The following SNX29 variants were observed in gnomAD, a reference collection of about 807,000 sequenced individuals.
SNX29 encodes the protein sorting nexin-29.
A neutral mutation model predicts 102.1 loss-of-function variants in SNX29; 78 were observed. The ratio of observed to expected loss-of-function variants is 0.76; its 90% confidence interval spans 0.64 to 0.92. SNX29 has a LOEUF of 0.92. Ranked by LOEUF, SNX29 falls within the 40% of genes least tolerant of loss-of-function variation. The pLI is 0.00. For missense variants in SNX29, 1,280 were observed against 1,061.7 expected (o/e 1.21, Z -2.86); for synonymous variants, 580 against 414.5 (o/e 1.40, Z -4.85).
chr16:12,532,619 T>G (rs757457095), intron 20 of SNX29, among the ~76,000 whole-genome samples: 1 of 152,206 alleles, frequency 6.6e-6, no homozygotes, highest in Non-Finnish European at 1.5e-5. Context: ...GGAAACACTC[T>G]TTGGGATGCG....
intron 13 of SNX29, among the ~76,000 whole-genome samples, chr16:12,174,502 G>T (rs913653294): frequency 1.3e-5 from 2 of 152,216 alleles, no homozygotes; most frequent in African/African-American, 4.8e-5. Flanking sequence ...CAGATGGGAG[G>T]TAGGGAGATT....
In SNX29 at chr16:12,021,903, A is replaced by AAGAT. The variant is rs1457411321; in HGVS notation, c.123-5414_123-5411dup. On this transcript the variant is annotated intron_variant, in intron 3 of 20. Transcript: ENST00000566228. ...GAGGCTCCATCTCAAAAAAAAAAAA[A>AAGAT]AGATAGGACAAAGCTCATGAAAACA... is the stretch of plus-strand genomic sequence containing the variant. Among the ~76,000 whole-genome samples the AAGAT allele has an allele frequency of 3.3e-5, 5 of 152,038 alleles. No individual in the cohort carries two copies. In the East Asian group the frequency reaches 9.7e-4, roughly 29 times the overall value.
At chr16:12,148,391 C>G (rs933327617) in intron 13 of SNX29, among the ~76,000 whole-genome samples, 5 of 152,210 alleles carry the variant, frequency 3.3e-5, no homozygotes, top group Admixed American at 1.3e-4. Flanking sequence ...TGAACTAAAT[C>G]CACAGATGGT....
chr16:12,499,901 T>C (rs2089026138), intron 19 of SNX29, among the ~76,000 whole-genome samples: 1 of 152,164 alleles, frequency 6.6e-6, no homozygotes, highest in Admixed American at 6.5e-5. Context: ...GGTCTCAAAC[T>C]CCTGGGCTCA....
intron 20 of SNX29, among the ~76,000 whole-genome samples, chr16:12,531,119 C>G (rs914597908): frequency 6.6e-6 from 1 of 152,234 alleles, no homozygotes; most frequent in African/African-American, 2.4e-5. Flanking sequence ...AAAGCCCACC[C>G]TCTCATACCA....
intron 18 of SNX29, among the ~76,000 whole-genome samples, chr16:12,457,434 T>C (rs1558810): frequency 0.44 from 67,016 of 151,978 alleles, 15,933 homozygotes; most frequent in African/African-American, 0.63. Flanking sequence ...GAGGCATCTG[T>C]CTGTGTTTTG....
intron 14 of SNX29, among the ~76,000 whole-genome samples, chr16:12,221,407 G>C (rs967616022): frequency 3.9e-5 from 6 of 152,306 alleles, no homozygotes; most frequent in East Asian, 1.9e-4. Context: ...CTGAGGTCAG[G>C]AGTTTGAGAT....
At chr16:12,241,919 C>G (rs961725043) in intron 14 of SNX29, among the ~76,000 whole-genome samples, 1 of 152,106 alleles carries the variant, frequency 6.6e-6, no homozygotes, top group African/African-American at 2.4e-5. Flanking sequence ...AAGGGGGCTC[C>G]TGCCTCTGTG....
At chr16:12,307,393 C>T in intron 15 of SNX29, among the ~76,000 whole-genome samples, 1 of 152,116 alleles carries the variant, frequency 6.6e-6, no homozygotes, top group East Asian at 1.9e-4. Flanking sequence ...AAATGCAATT[C>T]CTGTCATTAA....
At chr16:12,209,901 G>A (rs1043058021) in intron 14 of SNX29, among the ~76,000 whole-genome samples, 4 of 152,190 alleles carry the variant, frequency 2.6e-5, no homozygotes, top group East Asian at 3.8e-4. Flanking sequence ...CTGACTCTGC[G>A]TGGGGCTGAG....
chr16:12,407,127 G>A (rs1383557478), intron 18 of SNX29, among the ~76,000 whole-genome samples: 1 of 152,096 alleles, frequency 6.6e-6, no homozygotes, highest in Non-Finnish European at 1.5e-5. Context: ...GATTTAGAAG[G>A]ACCACACTGG....
At chr16:12,539,314 C>G (rs1029688998) in intron 20 of SNX29, among the ~76,000 whole-genome samples, 5 of 152,030 alleles carry the variant, frequency 3.3e-5, no homozygotes, top group African/African-American at 7.2e-5. Flanking sequence ...CCCTCCCCCT[C>G]TAGTTTTGTC....
At chr16:12,385,692 C>G (rs968145430) in intron 16 of SNX29, among the ~76,000 whole-genome samples, 24 of 152,228 alleles carry the variant, frequency 1.6e-4, no homozygotes, top group Admixed American at 1.5e-3. Context: ...CGTGTGTGCT[C>G]TAGGCCACTT....
intron 19 of SNX29, among the ~76,000 whole-genome samples, chr16:12,522,873 T>C (rs181724929): frequency 6.6e-6 from 1 of 152,254 alleles, no homozygotes; most frequent in East Asian, 1.9e-4. Flanking sequence ...TGCGGTGGTG[T>C]GATCATAGTG....
chr16:12,217,550 C>T (rs930308038), intron 14 of SNX29, among the ~76,000 whole-genome samples: 1 of 152,174 alleles, frequency 6.6e-6, no homozygotes, highest in Non-Finnish European at 1.5e-5. Flanking sequence ...AGTATGTCTG[C>T]CACCCGTAGG....
chr16:12,566,470 CTGTGCTGAATGAT>C lies in SNX29; in HGVS notation c.2319-2035_2319-2023del, dbSNP rs1390665834. ...CATTGCAGGGCAGGGCTCATCCTGG[CTGTGCTGAATGAT>C]GATGGTGGTTGCAGGCTAAGTGGCT... On this transcript the variant is annotated intron_variant, in intron 20 of 20. Transcript: ENST00000566228. Among the ~76,000 whole-genome samples, 28 of 152,310 alleles carry C rather than the reference CTGTGCTGAATGAT, an allele frequency of 1.8e-4. No homozygotes were observed. In the East Asian group the frequency reaches 3.1e-3, roughly 17 times the overall value.
At chr16:12,080,523 GTTTAC>G (rs1291434246) in intron 11 of SNX29, among the ~76,000 whole-genome samples, 1 of 152,018 alleles carries the variant, frequency 6.6e-6, no homozygotes. Flanking sequence ...TTACCCTATA[GTTTAC>G]TTTATTATTC....
intron 19 of SNX29, among the ~76,000 whole-genome samples, chr16:12,521,477 C>T (rs905200801): frequency 2.6e-5 from 4 of 152,030 alleles, no homozygotes; most frequent in African/African-American, 9.7e-5. Flanking sequence ...GTTCACTTTC[C>T]TTGGGCTCTG....
chr16:12,213,086 C>T (rs2077230524), intron 14 of SNX29, among the ~76,000 whole-genome samples: 2 of 152,092 alleles, frequency 1.3e-5, no homozygotes, highest in African/African-American at 2.4e-5. Context: ...TGCACTCCAG[C>T]CTGGGTGACA....
Sources: allele counts gnomAD v4.1 joint callset (sites outside exome capture counted in the v4.1 genomes callset), GRCh38; gene constraint gnomAD v4.1.1; transcripts MANE v1.5; gene names NCBI Gene and HGNC (gene_info 2026-07-23, HGNC 2026-07-21).